The following BTBD9 variants were observed in gnomAD, a reference collection of about 807,000 sequenced individuals.
The protein encoded by BTBD9 is BTB/POZ domain-containing protein 9.
Under a neutral mutation model 64.3 loss-of-function variants are expected in BTBD9, and 49 were observed. The observed-to-expected ratio is 0.76, with a 90% CI of 0.61 to 0.97. The LOEUF is 0.97. BTBD9 is among the 50% of genes least tolerant of loss of function. The probability of loss-of-function intolerance (pLI) is 0.00; values close to 1 mark genes in which losing one functional copy is unlikely to be tolerated. For synonymous variants in BTBD9, 260 were observed against 274.7 expected, an observed-to-expected ratio of 0.95 and a Z score of 0.53; for missense variants, 598 against 762.1, an observed-to-expected ratio of 0.78 and a Z score of 2.53.
chr6:38,322,588 G>A (rs1392270183), intron 7 of BTBD9, among the ~76,000 whole-genome samples: 1 of 152,148 alleles, frequency 6.6e-6, no homozygotes, highest in African/African-American at 2.4e-5. Flanking sequence ...GGTACAGAGG[G>A]TACAGTGAGG....
At chr6:38,262,470 C>CTT (rs546176317) in intron 8 of BTBD9, among the ~76,000 whole-genome samples, 1 of 141,154 alleles carries the variant, frequency 7.1e-6, no homozygotes, top group Non-Finnish European at 1.6e-5. Context: ...AAGTGCTGGG[C>CTT]TTTTTTTTTT....
At chr6:38,503,791 T>C (rs1199101339) in intron 6 of BTBD9, among the ~76,000 whole-genome samples, 2 of 152,186 alleles carry the variant, frequency 1.3e-5, no homozygotes, top group African/African-American at 4.8e-5. Context: ...AGGTCCTTCA[T>C]TTCCTCAACT....
chr6:38,188,645 G>A (rs932014166), intron 10 of BTBD9, among the ~76,000 whole-genome samples: 3 of 152,198 alleles, frequency 2.0e-5, no homozygotes, highest in East Asian at 1.9e-4. Flanking sequence ...TGACTAAAAC[G>A]AAGGCCACTG....
At chr6:38,579,873 T>G (rs1480546532) in intron 5 of BTBD9, among the ~76,000 whole-genome samples, 1 of 152,190 alleles carries the variant, frequency 6.6e-6, no homozygotes, top group Non-Finnish European at 1.5e-5. Flanking sequence ...GTTTCTGTTT[T>G]GTGTGTGTAT....
intron 6 of BTBD9, among the ~76,000 whole-genome samples, chr6:38,475,780 C>T (rs369423097): frequency 4.6e-5 from 7 of 152,250 alleles, no homozygotes; most frequent in East Asian, 1.9e-4. Flanking sequence ...CCAGTTTGAA[C>T]CACGGACTGA....
intron 10 of BTBD9, chr6:38,179,504 G>A (rs1446977029): frequency 4.4e-6 from 2 of 456,758 alleles, no homozygotes; most frequent in South Asian, 3.1e-5. Flanking sequence ...CTGCACTCAT[G>A]CCAAGGACTC....
chr6:38,551,104 C>A (rs750913781), intron 6 of BTBD9, among the ~76,000 whole-genome samples: 1 of 150,350 alleles, frequency 6.7e-6, no homozygotes, highest in Non-Finnish European at 1.5e-5. Context: ...CAAACCCACC[C>A]CATAAACATC....
Position 38,345,224 on chromosome 6 carries a change from T to G in BTBD9, c.1155-131A>C, listed in dbSNP as rs1184330196. 3 of 525,288 alleles carry G rather than the reference T, an allele frequency of 5.7e-6. No homozygotes were observed. The Admixed American group carries it at 9.0e-5, about 16-fold the overall frequency. 32.5% of individuals were successfully genotyped at this position (525,288 alleles called of 1,614,324 possible). A position where few individuals can be genotyped will look rare whatever the true frequency, so the allele number is the denominator to read the frequency against. On this transcript the variant is annotated intron_variant, in intron 6 of 10. Transcript: ENST00000481247. ...TATAGACCAAAGGAGACTCTGAGCTTGACTTCAGACTCTATATCTGCTCCT... is the reference window on the plus strand; with the variant it reads ...TATAGACCAAAGGAGACTCTGAGCTGGACTTCAGACTCTATATCTGCTCCT...
At chr6:38,280,181 T>C (rs781293922) in intron 8 of BTBD9, among the ~76,000 whole-genome samples, 9 of 152,196 alleles carry the variant, frequency 5.9e-5, no homozygotes, top group South Asian at 2.1e-4. Flanking sequence ...CAAACTATCC[T>C]GCTATCTGTT....
At chr6:38,530,503 G>GACACCAGA (rs1582585732) in intron 6 of BTBD9, among the ~76,000 whole-genome samples, 6 of 143,558 alleles carry the variant, frequency 4.2e-5, no homozygotes, top group Admixed American at 6.9e-5. Context: ...CACTTCTGGT[G>GACACCAGA]GCCCAACTGT....
intron 9 of BTBD9, among the ~76,000 whole-genome samples, chr6:38,194,367 T>G (rs1325811314): frequency 6.6e-6 from 1 of 152,220 alleles, no homozygotes; most frequent in East Asian, 1.9e-4. Flanking sequence ...GCCCACTGGC[T>G]GCTTCTCAGG....
At position 38,553,421 on chromosome 6, in the gene BTBD9, T is replaced by C. The variant is rs1774895960; in HGVS notation, c.1154+24179A>G. ...CAGATCCAACACAAAGCTGTCATCT[T>C]AGCCAGCTTAACTTAATTCTAGCAT... On this transcript the variant is annotated intron_variant, in intron 6 of 10. Transcript: ENST00000481247. Among the ~76,000 whole-genome samples the C allele has an allele frequency of 2.0e-5, 3 of 152,356 alleles. No homozygotes were observed. In the South Asian group the frequency reaches 6.2e-4, roughly 32 times the overall value.
intron 9 of BTBD9, 40 bp from the exon 10 acceptor site, chr6:38,192,637 A>T: frequency 6.4e-7 from 1 of 1,571,432 alleles, no homozygotes; most frequent in Non-Finnish European, 8.8e-7. Context: ...TAGATGGTGC[A>T]GTTGACTCTC....
intron 6 of BTBD9, among the ~76,000 whole-genome samples, chr6:38,374,864 T>C (rs912378565): frequency 6.6e-6 from 1 of 152,098 alleles, no homozygotes; most frequent in Non-Finnish European, 1.5e-5. Context: ...GGAGTCAGAG[T>C]TGGCAGCGAC....
At chr6:38,477,615 G>A (rs78380782) in intron 6 of BTBD9, among the ~76,000 whole-genome samples, 27 of 152,280 alleles carry the variant, frequency 1.8e-4, no homozygotes, top group Admixed American at 1.0e-3. Flanking sequence ...CTGAGCTAAC[G>A]AGCAGTATCT....
intron 9 of BTBD9, among the ~76,000 whole-genome samples, chr6:38,205,005 G>C (rs1479302299): frequency 1.3e-5 from 2 of 152,128 alleles, no homozygotes; most frequent in Non-Finnish European, 2.9e-5. Context: ...GGGTTAGAAA[G>C]TTAAGTTGAG....
At chr6:38,614,752 C>T (rs577706381) in intron 1 of BTBD9, among the ~76,000 whole-genome samples, 54 of 152,308 alleles carry the variant, frequency 3.5e-4, no homozygotes, top group South Asian at 4.1e-4. Context: ...TTCCATGCTA[C>T]CATTCTAGTT....
intron 6 of BTBD9, among the ~76,000 whole-genome samples, chr6:38,377,315 A>G (rs186587018): frequency 2.9e-4 from 44 of 152,292 alleles, no homozygotes; most frequent in African/African-American, 9.9e-4. Flanking sequence ...CTCTGGGGCT[A>G]GGACTAGTGT....
intron 6 of BTBD9, among the ~76,000 whole-genome samples, chr6:38,425,510 G>A (rs145644220): frequency 6.6e-6 from 1 of 151,908 alleles, no homozygotes; most frequent in East Asian, 1.9e-4. Flanking sequence ...GGAATTATGT[G>A]GGATTCATTT....
Sources: allele counts gnomAD v4.1 joint callset (sites outside exome capture counted in the v4.1 genomes callset), GRCh38; gene constraint gnomAD v4.1.1; transcripts MANE v1.5; gene names NCBI Gene and HGNC (gene_info 2026-07-23, HGNC 2026-07-21).